Variants in TMEM26 observed in about 807,000 individuals in gnomAD.
TMEM26 encodes the protein transmembrane protein 26.
TMEM26 carries 38 observed loss-of-function variants against 28.8 expected under a neutral mutation model. The ratio of observed to expected loss-of-function variants is 1.32; its 90% CI spans 1.02 to 1.73. The LOEUF (loss-of-function observed/expected upper bound fraction) is 1.73, where lower values mean the gene tolerates loss of function less well. TMEM26 is among the 40% of genes most tolerant of loss of function. The pLI is 0.00. For synonymous variants in TMEM26, 227 were observed against 182.9 expected (o/e 1.24, Z -1.95); for missense variants, 518 against 447.1 (o/e 1.16, Z -1.43).
At chr10:61,439,722 T>C (rs977478631) in intron 1 of TMEM26, among the ~76,000 whole-genome samples, 8 of 152,136 alleles carry the variant, frequency 5.3e-5, no homozygotes, top group African/African-American at 1.7e-4. Flanking sequence ...TCTCATAGTG[T>C]AGTTATGAGG....
chr10:61,430,289 T>C (rs1839900316), intron 3 of TMEM26, among the ~76,000 whole-genome samples: 1 of 152,058 alleles, frequency 6.6e-6, no homozygotes, highest in Admixed American at 6.6e-5. Context: ...ATCTTATTAT[T>C]GAAAATATGT....
chr10:61,428,210 G>A (rs1435110075), intron 4 of TMEM26, among the ~76,000 whole-genome samples: 1 of 152,016 alleles, frequency 6.6e-6, no homozygotes, highest in Non-Finnish European at 1.5e-5. Context: ...AACAACCCAA[G>A]CTTAAAGTAT....
rs1217169401 is a variant in TMEM26, at chr10:61,409,335, C to T, written c.*987G>A. ...TGGCCATGGGTGGAGCTGATGCAAC[C>T]CTCCATCACCATGTTCCCTGAGAGC... On this transcript the variant is annotated 3_prime_UTR_variant, in exon 6 of 6. Transcript: ENST00000399298. 2.0e-5 allele frequency: 3 copies of T among 152,176 alleles called. No homozygotes were observed. Among genetic ancestry groups the T allele is most frequent in the East Asian group, 3.9e-4 (2 of 5,190 alleles). The allele number at this position is 152,176 out of a possible 1,614,324, so 9.4% of individuals were successfully genotyped here.
At chr10:61,449,978 C>T (rs2135340873) in intron 1 of TMEM26, among the ~76,000 whole-genome samples, 1 of 152,136 alleles carries the variant, frequency 6.6e-6, no homozygotes, top group South Asian at 2.1e-4. Context: ...TAAAATCTAG[C>T]TCATTATTTT....
At chr10:61,414,934 T>C (rs1412696154) in intron 4 of TMEM26, 1 of 962,572 alleles carries the variant, frequency 1.0e-6, no homozygotes, top group Non-Finnish European at 1.2e-6. Flanking sequence ...ATTCCAGGTG[T>C]GAATACTGTT....
chr10:61,444,280 G>C (rs921920690), intron 1 of TMEM26, among the ~76,000 whole-genome samples: 4 of 152,034 alleles, frequency 2.6e-5, no homozygotes, highest in Non-Finnish European at 4.4e-5. Context: ...TACAATAAAT[G>C]CTTATTTAAT....
chr10:61,439,506 C>T (rs1193717243), intron 1 of TMEM26, among the ~76,000 whole-genome samples: 1 of 152,180 alleles, frequency 6.6e-6, no homozygotes, highest in Non-Finnish European at 1.5e-5. Context: ...CTACAAGGAG[C>T]TTTCATTTCA....
At chr10:61,436,092 T>A in intron 2 of TMEM26, 78 bp downstream of exon 2, 7 of 912,634 alleles carry the variant, frequency 7.7e-6, no homozygotes, top group Non-Finnish European at 8.5e-6. Flanking sequence ...AAAAGTGCAT[T>A]CCGAAAATAA....
At chr10:61,452,515 C>T (rs12252549) in intron 1 of TMEM26, 38,655 of 202,122 alleles carry the variant, frequency 0.19, 4,133 homozygotes, top group African/African-American at 0.28. Context: ...CCCGCGCACA[C>T]TCACACACCC....
chr10:61,438,694 C>A (rs576129575), intron 1 of TMEM26, among the ~76,000 whole-genome samples: 7 of 152,246 alleles, frequency 4.6e-5, no homozygotes, highest in Non-Finnish European at 8.8e-5. Flanking sequence ...TATAAACAAA[C>A]AAACTTCAAG....
At chr10:61,432,088 CCA>C (rs1328863738) in intron 2 of TMEM26, among the ~76,000 whole-genome samples, 7 of 151,832 alleles carry the variant, frequency 4.6e-5, no homozygotes, top group Non-Finnish European at 8.8e-5. Flanking sequence ...GTGTAGTATT[CCA>C]CAGTGTGTGT....
intron 1 of TMEM26, among the ~76,000 whole-genome samples, chr10:61,449,715 A>T (rs1840244788): frequency 6.6e-6 from 1 of 152,168 alleles, no homozygotes; most frequent in Admixed American, 6.5e-5. Flanking sequence ...TCCATCATTC[A>T]TGTTTAGTCA....
Position 61,436,196 on chromosome 10 carries a change from G to T in TMEM26, c.244C>A (p.Leu82Ile). 4 of 1,609,216 alleles carry T rather than the reference G, an allele frequency of 2.5e-6. No individual in the cohort carries two copies. Among genetic ancestry groups the T allele is most frequent in the Non-Finnish European group, 3.4e-6 (4 of 1,177,150 alleles). The change falls in exon 2 of 6, where the codon CTT becomes ATT. Residue 82 changes from leucine (L) to isoleucine (I), a missense_variant. Transcript: ENST00000399298. ...YLISIVPSLW[L>I]LELHHETQYC... ...TGGGTCTCATGGTGCAATTCAAGAA[G>T]CCATAATGATGGAACGATGCTAATC... is the stretch of plus-strand genomic sequence containing the variant.
At position 61,452,864 on chromosome 10, in the gene TMEM26, GCCCTCGCTTTC is replaced by G. The variant is rs780863213; in HGVS notation, c.191+16_191+26del. 1 of 1,602,490 alleles carries G rather than the reference GCCCTCGCTTTC, an allele frequency of 6.2e-7. No homozygotes were observed. Among genetic ancestry groups the G allele is most frequent in the Admixed American group, 1.7e-5 (1 of 59,786 alleles). ...GGGACAATACCCTAGGGCCCCGTGCGCCCTCGCTTTCCCGGGGCACTCTCACCATTTGTAGC... is the reference window on the plus strand; with the variant it reads ...GGGACAATACCCTAGGGCCCCGTGCGCCGGGGCACTCTCACCATTTGTAGC... On this transcript the variant is annotated intron_variant, in intron 1 of 5. Coordinates refer to ENST00000399298, the MANE Select transcript of TMEM26 (RefSeq NM_178505.8).
chr10:61,444,290 T>C (rs1428476601), intron 1 of TMEM26, among the ~76,000 whole-genome samples: 2 of 152,340 alleles, frequency 1.3e-5, no homozygotes, highest in South Asian at 4.1e-4. Context: ...GCTTATTTAA[T>C]GAACAAATGA....
At chr10:61,442,927 C>T (rs559898235) in intron 1 of TMEM26, among the ~76,000 whole-genome samples, 27 of 152,284 alleles carry the variant, frequency 1.8e-4, no homozygotes, top group African/African-American at 6.0e-4. Context: ...TCAACGTGAA[C>T]CCAATGTTTT....
Position 61,452,891 on chromosome 10 carries a change from C to T in TMEM26, c.191G>A (p.Trp64Ter), listed in dbSNP as rs749381940. 3.1e-6 allele frequency: 5 copies of T among 1,610,628 alleles called. No individual in the cohort carries two copies. The highest frequency in any genetic ancestry group is 4.2e-6 in the Non-Finnish European group (5 of 1,177,194). The change falls in exon 1 of 6, where the codon TGG (tryptophan) becomes TAG (stop). Residue 64 changes from tryptophan to a stop codon, truncating the protein, a stop_gained and splice_region_variant. Coordinates refer to ENST00000399298, the MANE Select transcript of TMEM26 (RefSeq NM_178505.8). LOFTEE classifies it high-confidence loss of function. ...LKFKRGRGYK[W>*]FSPAIFLYLI... is the part of the protein sequence containing the mutation. ...CCTCGCTTTCCCGGGGCACTCTCAC[C>T]ATTTGTAGCCTCTGCCGCGCTTGAA... is the stretch of plus-strand genomic sequence containing the variant.
At chr10:61,450,216 T>C (rs1433469005) in intron 1 of TMEM26, among the ~76,000 whole-genome samples, 3 of 152,172 alleles carry the variant, frequency 2.0e-5, no homozygotes, top group Admixed American at 1.3e-4. Context: ...TTAATGCATA[T>C]TAATATTTTT....
Position 61,407,426 on chromosome 10 carries a change from C to A in TMEM26, c.*2896G>T, listed in dbSNP as rs1487074685. 6.6e-6 allele frequency: 1 copy of A among 151,902 alleles called. No individual in the cohort carries two copies. Among genetic ancestry groups the A allele is most frequent in the African/African-American group, 2.4e-5 (1 of 41,340 alleles). The allele number at this position is 151,902 out of a possible 1,614,324, so 9.4% of individuals were successfully genotyped here. On this transcript the variant is annotated 3_prime_UTR_variant, in exon 6 of 6. Transcript: ENST00000399298. ...GGAAGATTATAAAGCATGTTATTGG[C>A]CAATTCAAAATTTTATTTCATTATG...
Sources: gnomAD v4.1 joint callset for allele counts (sites outside exome capture counted in the v4.1 genomes callset) on GRCh38, gnomAD v4.1.1 for gene constraint, MANE v1.5 for transcripts, NCBI Gene and HGNC (gene_info 2026-07-23, HGNC 2026-07-21) for gene names.